The following MAP3K5 variants were observed in gnomAD, a reference collection of about 807,000 sequenced individuals.
The protein encoded by MAP3K5 is mitogen-activated protein kinase kinase kinase 5.
MAP3K5 carries 56 observed loss-of-function variants against 158.7 expected under a neutral mutation model. That is an observed-to-expected ratio of 0.35 (90% CI 0.28 to 0.44). MAP3K5 has a LOEUF of 0.44. MAP3K5 is among the 20% of genes least tolerant of loss of function. The pLI is 1.00. For synonymous variants in MAP3K5, 579 were observed against 601.7 expected, an observed-to-expected ratio of 0.96 and a Z score of 0.55; for missense variants, 1,294 against 1,674.8, an observed-to-expected ratio of 0.77 and a Z score of 3.97.
intron 2 of MAP3K5, among the ~76,000 whole-genome samples, chr6:136,713,837 G>A (rs1032270884): frequency 6.6e-6 from 1 of 152,166 alleles, no homozygotes. Context: ...TTTCAGAGAT[G>A]TCCAGAGGCA....
At chr6:136,745,345 A>G (rs1210924850) in intron 1 of MAP3K5, among the ~76,000 whole-genome samples, 1 of 152,130 alleles carries the variant, frequency 6.6e-6, no homozygotes, top group African/African-American at 2.4e-5. Context: ...TTTTCTCTCC[A>G]TGTTCAACTC....
At chr6:136,641,805 C>A (rs906491939) in intron 12 of MAP3K5, among the ~76,000 whole-genome samples, 20 of 151,066 alleles carry the variant, frequency 1.3e-4, no homozygotes, top group Non-Finnish European at 2.9e-4. Flanking sequence ...CCGGCCAACA[C>A]GGTGAAACCC....
At chr6:136,732,834 T>TA (rs1782286754) in intron 1 of MAP3K5, among the ~76,000 whole-genome samples, 2 of 151,992 alleles carry the variant, frequency 1.3e-5, no homozygotes, top group Non-Finnish European at 2.9e-5. Context: ...ACAATAGAGG[T>TA]AAAGGAAAAT....
rs773731624 is a variant in MAP3K5 at position 136,639,658 on chromosome 6, A to G, written c.1839-20T>C. 2.3e-6 allele frequency: 3 copies of G among 1,286,892 alleles called. No individual in the cohort carries two copies. The highest frequency in any genetic ancestry group is 3.3e-6 in the Non-Finnish European group (3 of 900,902). 79.7% of individuals were successfully genotyped at this position (1,286,892 alleles called of 1,614,324 possible). A position where few individuals can be genotyped will look rare whatever the true frequency, so the allele number is the denominator to read the frequency against. The stretch of plus-strand genomic sequence containing the variant: ...GAAATACTGAAACCAACAAACAAAA[A>G]GGCATTATTCAGAGAACTATCAATT... On this transcript the variant is annotated intron_variant, in intron 12 of 29. Transcript: ENST00000359015.
intron 12 of MAP3K5, among the ~76,000 whole-genome samples, chr6:136,642,030 A>AAAATAAAAATAAAATAAAAAT (rs1491266433): frequency 7.5e-5 from 9 of 119,338 alleles, no homozygotes. Flanking sequence ...AAAATAAAAT[A>AAAATAAAAATAAAATAAAAAT]AAAATAAAAT....
chr6:136,656,136 G>A (rs1483654579), intron 10 of MAP3K5, 171 bp downstream of exon 10: 1 of 578,744 alleles, frequency 1.7e-6, no homozygotes, highest in Non-Finnish European at 3.0e-6. Context: ...ATTTTGAGAA[G>A]TTATTTTTAA....
intron 2 of MAP3K5, among the ~76,000 whole-genome samples, chr6:136,709,483 TG>T (rs1781217827): frequency 6.6e-6 from 1 of 152,040 alleles, no homozygotes; most frequent in Admixed American, 6.6e-5. Context: ...GATGCCCTCA[TG>T]CTCCCCCAGC....
intron 10 of MAP3K5, among the ~76,000 whole-genome samples, chr6:136,653,896 G>A (rs574537864): frequency 6.6e-6 from 1 of 152,070 alleles, no homozygotes; most frequent in Admixed American, 6.5e-5. Flanking sequence ...ACAAACTATA[G>A]AAAAGAAGTT....
At chr6:136,727,645 A>T (rs17065601) in intron 1 of MAP3K5, among the ~76,000 whole-genome samples, 8,831 of 152,286 alleles carry the variant, frequency 0.058, 859 homozygotes, top group African/African-American at 0.2. Context: ...TACTGTGAGT[A>T]AAACTGCCAC....
intron 1 of MAP3K5, among the ~76,000 whole-genome samples, chr6:136,746,336 A>G (rs1732722666): frequency 6.6e-6 from 1 of 152,200 alleles, no homozygotes; most frequent in South Asian, 2.1e-4. Flanking sequence ...GGTCTGTGAA[A>G]AACGATACAG....
At chr6:136,696,656 G>A (rs1313194045) in intron 5 of MAP3K5, among the ~76,000 whole-genome samples, 1 of 152,184 alleles carries the variant, frequency 6.6e-6, no homozygotes, top group Non-Finnish European at 1.5e-5. Flanking sequence ...CTAACTTGGA[G>A]AGGATTTTAT....
rs761647864 is a variant in MAP3K5 at position 136,697,356 on chromosome 6, T to G, written c.838A>C (p.Ile280Leu). The G allele has an allele frequency of 7.4e-6, 12 of 1,613,032 alleles. No individual in the cohort carries two copies. The highest frequency in any genetic ancestry group is 1.3e-5 in the African/African-American group (1 of 74,892). ...QYFRESILND[I>L]RKARNLYTGK... The stretch of plus-strand genomic sequence containing the variant: ...GTGTATAAATTACGAGCTTTCCTGA[T>G]GTCATTGAGTATAGATTCCCGGAAG... Residue 280 changes from isoleucine (I) to leucine (L), a missense_variant, in exon 5 of 30, where the codon ATC (isoleucine) becomes CTC (leucine). By Grantham distance (5) the Ile-to-Leu change is conservative (BLOSUM62 2). Coordinates refer to ENST00000359015, the MANE Select transcript of MAP3K5 (RefSeq NM_005923.4).
chr6:136,629,740 C>T (rs1777234359), intron 14 of MAP3K5, among the ~76,000 whole-genome samples: 1 of 150,736 alleles, frequency 6.6e-6, no homozygotes, highest in African/African-American at 2.5e-5. Context: ...AGGTGTGAGC[C>T]ATGGCGCCCG....
chr6:136,617,472 C>T (rs1045457996), intron 15 of MAP3K5, among the ~76,000 whole-genome samples: 1 of 152,196 alleles, frequency 6.6e-6, no homozygotes, highest in Non-Finnish European at 1.5e-5. Flanking sequence ...CTACTGCTAA[C>T]CATCTAGACC....
At chr6:136,697,074 A>G (rs1780631229) in intron 5 of MAP3K5, 145 bp downstream of exon 5, 1 of 520,562 alleles carries the variant, frequency 1.9e-6, no homozygotes, top group Non-Finnish European at 3.2e-6. Flanking sequence ...TCATAAAATT[A>G]TAGGATGGAA....
At chr6:136,713,867 G>C (rs1652195373) in intron 2 of MAP3K5, among the ~76,000 whole-genome samples, 1 of 152,212 alleles carries the variant, frequency 6.6e-6, no homozygotes, top group East Asian at 1.9e-4. Context: ...AAAAGGGGTA[G>C]GGCCAATGTT....
At chr6:136,630,542 C>A (rs1272234032) in intron 14 of MAP3K5, among the ~76,000 whole-genome samples, 5 of 152,182 alleles carry the variant, frequency 3.3e-5, no homozygotes, top group Non-Finnish European at 5.9e-5. Flanking sequence ...ATCTAAATTT[C>A]TTTTGCGGAC....
intron 21 of MAP3K5, chr6:136,593,739 G>A: frequency 4.9e-6 from 2 of 408,952 alleles, no homozygotes; most frequent in Non-Finnish European, 4.8e-6. Context: ...AAAAGAAAGT[G>A]GTTTTTGCCA....
At chr6:136,698,735 C>T in intron 3 of MAP3K5, 53 bp from the exon 4 acceptor site, 1 of 1,235,262 alleles carries the variant, frequency 8.1e-7, no homozygotes, top group Non-Finnish European at 1.2e-6. Context: ...AGACACGGCA[C>T]AGATGGAATC....
Sources: allele counts gnomAD v4.1 joint callset (sites outside exome capture counted in the v4.1 genomes callset), GRCh38; gene constraint gnomAD v4.1.1; transcripts MANE v1.5; gene names NCBI Gene and HGNC (gene_info 2026-07-23, HGNC 2026-07-21).